Variants in CSPP1 observed in about 807,000 individuals in gnomAD.
The protein encoded by CSPP1 is centrosome and spindle pole associated protein 1.
In CSPP1, 126 loss-of-function variants were observed where a neutral mutation model predicts 164.4. That is an observed-to-expected ratio of 0.77 (90% confidence interval 0.66 to 0.89). The LOEUF is 0.89. Ranked by LOEUF, CSPP1 falls within the 40% of genes least tolerant of loss-of-function variation. The pLI is 0.00. For synonymous variants in CSPP1, 472 were observed against 476.7 expected (o/e 0.99, Z 0.13); for missense variants, 1,395 against 1,449.8 (o/e 0.96, Z 0.61).
intron 1 of CSPP1, among the ~76,000 whole-genome samples, chr8:67,072,048 C>T (rs1450760095): frequency 4.6e-5 from 7 of 152,154 alleles, no homozygotes; most frequent in African/African-American, 1.7e-4. Context: ...TTTGGGAGGC[C>T]AAGGCAGGTG....
chr8:67,091,391 G>T (rs1008255292), intron 4 of CSPP1, among the ~76,000 whole-genome samples: 12 of 151,916 alleles, frequency 7.9e-5, no homozygotes, highest in African/African-American at 2.7e-4. Context: ...AGGAAAAATA[G>T]AAAAAAAACT....
At position 67,158,536 on chromosome 8, in the gene CSPP1, G is replaced by T; in HGVS notation, c.2331G>T (p.Arg777Ser). The change falls in exon 20 of 31, where the codon AGG (arginine) becomes AGT (serine). Residue 777 changes from arginine (R) to serine (S), a missense_variant. Coordinates refer to ENST00000678616, the MANE Select transcript of CSPP1 (RefSeq NM_001382391.1). ...EKEERRLAEQRARIQQEYEEE... is the reference protein window; with the variant it reads ...EKEERRLAEQSARIQQEYEEE... ...AAGAAAGACGGCTTGCAGAACAGAG[G>T]GCACGAATTCAGCAGGAGTATGAAG... 6.2e-7 allele frequency: 1 copy of T among 1,612,416 alleles called. No homozygotes were observed. Among genetic ancestry groups the T allele is most frequent in the East Asian group, 2.2e-5 (1 of 44,810 alleles).
intron 7 of CSPP1, among the ~76,000 whole-genome samples, chr8:67,102,737 T>C (rs1490705536): frequency 6.6e-6 from 1 of 152,258 alleles, no homozygotes; most frequent in African/African-American, 2.4e-5. Context: ...AGTTATTCAC[T>C]TTTAAATTGA....
chr8:67,194,120 C>T (rs1433445504), intron 30 of CSPP1, among the ~76,000 whole-genome samples: 1 of 152,144 alleles, frequency 6.6e-6, no homozygotes, highest in Admixed American at 6.5e-5. Flanking sequence ...AGTCATAGAG[C>T]ACAAGGCAGG....
chr8:67,088,343 A>G (rs1810855904), intron 4 of CSPP1, among the ~76,000 whole-genome samples: 2 of 151,840 alleles, frequency 1.3e-5, no homozygotes, highest in African/African-American at 4.8e-5. Flanking sequence ...GCTGGAGTGC[A>G]GTGGTACGAT....
chr8:67,144,913 A>AG (rs1397483273), intron 17 of CSPP1, among the ~76,000 whole-genome samples: 2 of 152,012 alleles, frequency 1.3e-5, no homozygotes, highest in African/African-American at 4.8e-5. Flanking sequence ...CTAAAAAAAA[A>AG]AAAAAAAAAT....
At chr8:67,182,526 T>C (rs1833312731) in intron 28 of CSPP1, among the ~76,000 whole-genome samples, 3 of 152,246 alleles carry the variant, frequency 2.0e-5, no homozygotes, top group African/African-American at 4.8e-5. Flanking sequence ...CTAGATCATA[T>C]AGTAATTCTA....
At chr8:67,194,694 A>G (rs1415341170) in intron 30 of CSPP1, among the ~76,000 whole-genome samples, 1 of 151,396 alleles carries the variant, frequency 6.6e-6, no homozygotes, top group East Asian at 1.9e-4. Context: ...AATTAAAAAA[A>G]AAAAAAAGAA....
intron 8 of CSPP1, among the ~76,000 whole-genome samples, chr8:67,105,165 A>G (rs968510033): frequency 1.3e-5 from 2 of 150,062 alleles, no homozygotes; most frequent in Non-Finnish European, 3.0e-5. Flanking sequence ...AGCTGGGATT[A>G]TAGGCGTGTG....
chr8:67,192,350 C>T (rs982368603), intron 29 of CSPP1, among the ~76,000 whole-genome samples: 56 of 152,222 alleles, frequency 3.7e-4, no homozygotes, highest in African/African-American at 1.3e-3. Context: ...GCTAGGATTA[C>T]AGGCATGAGC....
At chr8:67,173,582 C>G (rs1830902969) in intron 25 of CSPP1, 1 of 151,976 alleles carries the variant, frequency 6.6e-6, no homozygotes, top group Non-Finnish European at 1.5e-5. Flanking sequence ...AAGGAAAAAT[C>G]ACTTTAGTCA....
intron 28 of CSPP1, among the ~76,000 whole-genome samples, chr8:67,190,356 G>C (rs955885794): frequency 1.3e-5 from 2 of 152,324 alleles, no homozygotes; most frequent in Middle Eastern, 3.4e-3. Context: ...TTTGGTGTTA[G>C]GTAAGGTAAA....
At chr8:67,115,785 T>C in intron 12 of CSPP1, 129 bp from the exon 13 acceptor site, 3 of 612,910 alleles carry the variant, frequency 4.9e-6, no homozygotes, top group East Asian at 5.5e-5. Context: ...CAGAGTCTTT[T>C]ATAGCTGTAA....
At chr8:67,137,006 G>C (rs1475374803) in intron 16 of CSPP1, among the ~76,000 whole-genome samples, 1 of 151,978 alleles carries the variant, frequency 6.6e-6, no homozygotes, top group Non-Finnish European at 1.5e-5. Context: ...TAAAGACAGT[G>C]TCTTGCATAA....
In CSPP1 at chr8:67,074,311, A is replaced by G; in HGVS notation, c.59A>G (p.Lys20Arg). The change falls in exon 2 of 31, where the codon AAA (lysine) becomes AGA (arginine). Residue 20 changes from lysine (K) to arginine (R), a missense_variant. Lys to Arg is a conservative substitution (Grantham distance 26). Coordinates refer to ENST00000678616, the MANE Select transcript of CSPP1 (RefSeq NM_001382391.1). ...CAAAAAGCCAGATTGGCCGAAGACA[A>G]AGCAGAGTTGGAAAGTGATCCACCT... ...EEQKARLAED[K>R]AELESDPPYM... The G allele has an allele frequency of 6.2e-7, 1 of 1,611,242 alleles. No homozygotes were observed. The highest frequency in any genetic ancestry group is 8.5e-7 in the Non-Finnish European group (1 of 1,178,418).
intron 28 of CSPP1, among the ~76,000 whole-genome samples, chr8:67,189,545 C>T (rs1835617939): frequency 6.6e-6 from 1 of 152,112 alleles, no homozygotes. Context: ...TTTTAAAAAC[C>T]CATACAGTAT....
At chr8:67,175,503 T>A in intron 26 of CSPP1, 67 bp downstream of exon 26, 1 of 1,571,156 alleles carries the variant, frequency 6.4e-7, no homozygotes, top group Middle Eastern at 1.7e-4. Flanking sequence ...TTTCTGCATC[T>A]CTTCTATTGA....
At chr8:67,194,016 T>G (rs113390473) in intron 30 of CSPP1, among the ~76,000 whole-genome samples, 2,427 of 152,340 alleles carry the variant, frequency 0.016, 66 homozygotes, top group African/African-American at 0.056. Flanking sequence ...CCTTCTTCTT[T>G]GGCTTTCCAC....
At position 67,160,550 on chromosome 8, in the gene CSPP1, AT is replaced by A. The variant is rs566899816; in HGVS notation, c.2539-1255del. The stretch of plus-strand genomic sequence containing the variant: ...ATTTCTTATGTTTTTTAAAAATGCT[AT>A]TTTTTAAGGAATATATACTTTTATG... On this transcript the variant is annotated intron_variant, in intron 21 of 30. Coordinates refer to ENST00000678616, the MANE Select transcript of CSPP1 (RefSeq NM_001382391.1). Among the ~76,000 whole-genome samples, 369 of 151,582 alleles carry A rather than the reference AT, an allele frequency of 2.4e-3. 2 individuals are homozygous for A. Among genetic ancestry groups the A allele is most frequent in the African/African-American group, 8.7e-3 (359 of 41,396 alleles).
Sources: allele counts gnomAD v4.1 joint callset (sites outside exome capture counted in the v4.1 genomes callset), GRCh38; gene constraint gnomAD v4.1.1; transcripts MANE v1.5; gene names NCBI Gene and HGNC (gene_info 2026-07-23, HGNC 2026-07-21).